The following MARCHF3 variants were observed in gnomAD, a reference collection of about 807,000 sequenced individuals.
MARCHF3 encodes E3 ubiquitin-protein ligase MARCHF3.
A neutral mutation model predicts 24.2 loss-of-function variants in MARCHF3; 13 were observed. The ratio of observed to expected loss-of-function variants is 0.54; its 90% CI spans 0.35 to 0.85. MARCHF3 has a LOEUF of 0.85. MARCHF3 is among the 40% of genes least tolerant of loss of function. MARCHF3 has a pLI of 0.01. For missense variants in MARCHF3, 276 were observed against 325.0 expected (o/e 0.85, Z 1.16); for synonymous variants, 144 against 137.3 (o/e 1.05, Z -0.34).
intron 1 of MARCHF3, among the ~76,000 whole-genome samples, chr5:126,962,716 A>G (rs1375429120): frequency 6.6e-6 from 1 of 152,016 alleles, no homozygotes; most frequent in African/African-American, 2.4e-5. Context: ...CATCCCCAAG[A>G]TATCTCATTA....
intron 1 of MARCHF3, among the ~76,000 whole-genome samples, chr5:127,011,233 C>T (rs1323346938): frequency 2.0e-5 from 3 of 152,120 alleles, no homozygotes; most frequent in Admixed American, 6.5e-5. Flanking sequence ...ACTATCCACT[C>T]GGTACACTGA....
rs376040378 is a variant in MARCHF3, at chr5:127,022,643, G to A, written c.-57+7707C>T. On this transcript the variant is annotated intron_variant, in intron 1 of 4. Transcript: ENST00000308660. ...CACTCTCATCTGGAACGTCCCTTGA[G>A]TCCTCCCAACCCCCGGATCCAAAGG... Among the ~76,000 whole-genome samples, 11 of 152,290 alleles carry A rather than the reference G, an allele frequency of 7.2e-5. No individual in the cohort carries two copies. The East Asian group carries it at 1.7e-3, about 24-fold the overall frequency.
intron 4 of MARCHF3, among the ~76,000 whole-genome samples, chr5:126,872,704 C>A (rs1223530579): frequency 6.6e-6 from 1 of 152,156 alleles, no homozygotes; most frequent in East Asian, 1.9e-4. Flanking sequence ...TCATGAAATT[C>A]AAGGCCACTT....
At chr5:126,890,064 C>A (rs532264351) in intron 3 of MARCHF3, among the ~76,000 whole-genome samples, 1 of 152,120 alleles carries the variant, frequency 6.6e-6, no homozygotes. Flanking sequence ...TTAACCACTC[C>A]CCTGGACTTT....
intron 1 of MARCHF3, among the ~76,000 whole-genome samples, chr5:126,981,929 G>C (rs78173784): frequency 0.014 from 2,150 of 152,266 alleles, 42 homozygotes; most frequent in East Asian, 0.092. Flanking sequence ...ATATTCCCAA[G>C]GCTTTTTTGG....
At chr5:126,922,512 T>TTTTATTTA (rs58540964) in intron 1 of MARCHF3, among the ~76,000 whole-genome samples, 19,489 of 142,660 alleles carry the variant, frequency 0.14, 1,542 homozygotes, top group East Asian at 0.31. Context: ...CATTTCTGTC[T>TTTTATTTA]TTTATTTATT....
rs796979694 is a variant in MARCHF3, at chr5:126,952,330, ATCTC to A, written c.-56-34107_-56-34104del. Among the ~76,000 whole-genome samples the A allele has an allele frequency of 3.9e-5, 6 of 152,302 alleles. No homozygotes were observed. In the East Asian group the frequency reaches 7.7e-4, roughly 20 times the overall value. On this transcript the variant is annotated intron_variant, in intron 1 of 4. Transcript: ENST00000308660. ...ACAGAGGAAACCTTACATTTTAAAAATCTCTCTTTCAAAATTTATAAAGGTAGTA... is the reference window on the plus strand; with the variant it reads ...ACAGAGGAAACCTTACATTTTAAAAATCTTTCAAAATTTATAAAGGTAGTA...
At chr5:126,891,753 G>A (rs1056359274) in intron 3 of MARCHF3, among the ~76,000 whole-genome samples, 1 of 143,766 alleles carries the variant, frequency 7.0e-6, no homozygotes, top group Non-Finnish European at 1.5e-5. Context: ...TTTGGCTTAG[G>A]ATTGACTTGG....
intron 1 of MARCHF3, among the ~76,000 whole-genome samples, chr5:126,965,794 T>C (rs1750796344): frequency 6.6e-6 from 1 of 152,194 alleles, no homozygotes; most frequent in South Asian, 2.1e-4. Context: ...AAGTATAAAA[T>C]GGTGCAACTG....
intron 1 of MARCHF3, among the ~76,000 whole-genome samples, chr5:126,971,886 T>A (rs1022839412): frequency 3.9e-5 from 6 of 152,346 alleles, no homozygotes; most frequent in Admixed American, 3.3e-4. Flanking sequence ...TTCATTAAAT[T>A]ACCATATGAT....
rs970639403 is a variant in MARCHF3 at position 126,870,277 on chromosome 5, A to ATG, written c.*354_*355dup. The ATG allele has an allele frequency of 1.0e-4, 17 of 170,718 alleles. No homozygotes were observed. The highest frequency in any genetic ancestry group is 2.8e-4 in the African/African-American group (12 of 42,302). 10.6% of individuals were successfully genotyped at this position (170,718 alleles called of 1,614,324 possible). Reference sequence around the variant, plus strand: ...TCATCTAAGTTTAATATATATATATATGTGTGTGTGTTTGAAATAGTAATA... The same window carrying ATG: ...TCATCTAAGTTTAATATATATATATATGTGTGTGTGTGTTTGAAATAGTAATA... On this transcript the variant is annotated 3_prime_UTR_variant, in exon 5 of 5. Transcript: ENST00000308660.
At chr5:126,896,194 C>T (rs1753903701) in intron 3 of MARCHF3, among the ~76,000 whole-genome samples, 1 of 152,140 alleles carries the variant, frequency 6.6e-6, no homozygotes, top group Non-Finnish European at 1.5e-5. Context: ...CACCCACTGA[C>T]CTGCGCCCAC....
intron 1 of MARCHF3, among the ~76,000 whole-genome samples, chr5:126,978,694 T>C (rs1172595538): frequency 1.3e-5 from 2 of 152,200 alleles, no homozygotes; most frequent in African/African-American, 2.4e-5. Flanking sequence ...GCAACTCGGC[T>C]TTTTGCTCTC....
chr5:127,021,857 T>G (rs1023302900), intron 1 of MARCHF3, among the ~76,000 whole-genome samples: 1 of 152,178 alleles, frequency 6.6e-6, no homozygotes, highest in African/African-American at 2.4e-5. Flanking sequence ...ATAAAAGTAA[T>G]AACTTAGCCT....
At chr5:126,878,736 C>G (rs1056078532) in intron 3 of MARCHF3, among the ~76,000 whole-genome samples, 11 of 152,176 alleles carry the variant, frequency 7.2e-5, no homozygotes, top group African/African-American at 2.4e-4. Flanking sequence ...AGGAGAAGTT[C>G]AGTCATGTGT....
chr5:126,905,468 G>C (rs1364980542), intron 3 of MARCHF3, among the ~76,000 whole-genome samples: 21 of 149,172 alleles, frequency 1.4e-4, no homozygotes, highest in Admixed American at 1.1e-3. Flanking sequence ...TCTTCCATTT[G>C]TTTGTATCCT....
intron 3 of MARCHF3, among the ~76,000 whole-genome samples, chr5:126,895,733 T>C (rs1442662992): frequency 6.6e-5 from 10 of 152,148 alleles, no homozygotes; most frequent in Admixed American, 2.6e-4. Flanking sequence ...GACAGGGACA[T>C]TTAAGTCTGC....
intron 1 of MARCHF3, among the ~76,000 whole-genome samples, chr5:126,927,157 T>C (rs945840214): frequency 9.2e-5 from 14 of 152,140 alleles, no homozygotes; most frequent in Non-Finnish European, 2.9e-5. Context: ...AAAATACAGA[T>C]TCTTTTTGAT....
chr5:126,917,779 T>C (rs1266233782), intron 2 of MARCHF3, among the ~76,000 whole-genome samples: 1 of 152,132 alleles, frequency 6.6e-6, no homozygotes, highest in East Asian at 1.9e-4. Context: ...AGGGGAAATC[T>C]TGATAAGGTG....
Sources: gnomAD v4.1 joint callset for allele counts (sites outside exome capture counted in the v4.1 genomes callset) on GRCh38, gnomAD v4.1.1 for gene constraint, MANE v1.5 for transcripts, NCBI Gene and HGNC (gene_info 2026-07-23, HGNC 2026-07-21) for gene names.